Variants in AP3D1 observed in about 807,000 individuals in gnomAD.
AP3D1 encodes adaptor related protein complex 3 subunit delta 1, also known as AP-3 complex subunit delta-1.
In AP3D1, 51 loss-of-function variants were observed where a neutral mutation model predicts 147.6. The observed-to-expected ratio is 0.35, with a 90% CI of 0.28 to 0.44. The LOEUF (loss-of-function observed/expected upper bound fraction) is 0.44, where lower values mean the gene tolerates loss of function less well. Ranked by LOEUF, AP3D1 falls within the 20% of genes least tolerant of loss-of-function variation. The probability of loss-of-function intolerance (pLI) is 1.00; values close to 1 mark genes in which losing one functional copy is unlikely to be tolerated. For missense variants in AP3D1, 1,421 were observed against 1,624.2 expected (o/e 0.87, Z 2.15); for synonymous variants, 760 against 663.0 (o/e 1.15, Z -2.25).
At chr19:2,163,160 G>C (rs934548068) in intron 1 of AP3D1, among the ~76,000 whole-genome samples, 1 of 152,134 alleles carries the variant, frequency 6.6e-6, no homozygotes, top group Non-Finnish European at 1.5e-5. Context: ...TGCAACCTCT[G>C]CCTCCTGGGT....
intron 14 of AP3D1, 101 bp downstream of exon 14, chr19:2,120,761 G>A: frequency 8.2e-7 from 1 of 1,219,880 alleles, no homozygotes; most frequent in Non-Finnish European, 1.2e-6. Flanking sequence ...GGGTGGCAGG[G>A]CGATGGGAGA....
At position 2,139,245 on chromosome 19, in the gene AP3D1, G is replaced by C. The variant is rs374440061; in HGVS notation, c.97-531C>G. On this transcript the variant is annotated intron_variant, in intron 1 of 31. Coordinates refer to ENST00000643116, the MANE Select transcript of AP3D1 (RefSeq NM_001261826.3). Reference sequence around the variant, plus strand: ...TTCTTTCTAGGCTGATAATGTTCTGGAACTTGGCCGTGGTGGTGGCGCACA... The same window carrying C: ...TTCTTTCTAGGCTGATAATGTTCTGCAACTTGGCCGTGGTGGTGGCGCACA... Among the ~76,000 whole-genome samples, 7 of 152,114 alleles carry C rather than the reference G, an allele frequency of 4.6e-5. No individual in the cohort carries two copies. The South Asian group carries it at 1.2e-3, about 27-fold the overall frequency.
At chr19:2,105,306 A>ATGT (rs2018079702) in intron 31 of AP3D1, among the ~76,000 whole-genome samples, 1 of 152,222 alleles carries the variant, frequency 6.6e-6, no homozygotes, top group Admixed American at 6.5e-5. Context: ...GCACTGTGAC[A>ATGT]TGTTCATAAT....
rs1453681154 is a variant in AP3D1, at chr19:2,110,778, T to C, written c.3104A>G (p.Asn1035Ser). 3 of 1,613,088 alleles carry C rather than the reference T, an allele frequency of 1.9e-6. No individual in the cohort carries two copies. Among genetic ancestry groups the C allele is most frequent in the Admixed American group, 1.7e-5 (1 of 60,000 alleles). Residue 1035 changes from asparagine to serine, a missense_variant, in exon 27 of 32, where the codon AAT becomes AGT. By Grantham distance (46) the Asn-to-Ser change is conservative. Coordinates refer to ENST00000643116, the MANE Select transcript of AP3D1 (RefSeq NM_001261826.3). ...GMELSVLDSLNARMARPQGSS... is the reference protein window; with the variant it reads ...GMELSVLDSLSARMARPQGSS... Reference sequence around the variant, plus strand: ...GCCCTGCGGCCGGGCCATCCTGGCATTGAGTGAGTCCAGCACGCTGAGCTC... The same window carrying C: ...GCCCTGCGGCCGGGCCATCCTGGCACTGAGTGAGTCCAGCACGCTGAGCTC...
In AP3D1 at chr19:2,109,176, C is replaced by T. The variant is rs1192779753; in HGVS notation, c.3382G>A (p.Asp1128Asn). 1.1e-5 allele frequency: 18 copies of T among 1,606,766 alleles called. No individual in the cohort carries two copies. Among genetic ancestry groups the T allele is most frequent in the Non-Finnish European group, 1.4e-5 (17 of 1,177,328 alleles). The change falls in exon 30 of 32, where the codon GAC (aspartate) becomes AAC (asparagine). Residue 1128 changes from aspartate (D) to asparagine (N), a missense_variant. By Grantham distance (23) the Asp-to-Asn change is conservative (BLOSUM62 1). This residue lies in a region of AP3D1 where 791 missense variants were observed against 761.4 expected (regional missense o/e 1.04). Transcript: ENST00000643116. ...DAFAKLLESG[D>N]LSMSSIKVDG... ...ACTTTGATTGAGCTCATGCTCAAGT[C>T]CCCAGACTCCAGCAACTTAGCAAAG... is the stretch of plus-strand genomic sequence containing the variant.
Position 2,121,044 on chromosome 19 carries a change from G to A in AP3D1, c.1299C>T (p.His433=), listed in dbSNP as rs758482095. 7.4e-6 allele frequency: 12 copies of A among 1,612,922 alleles called. No individual in the cohort carries two copies. The highest frequency in any genetic ancestry group is 1.7e-5 in the Admixed American group (1 of 60,016). Residue 433 remains histidine (H), a synonymous_variant, in exon 14 of 32, where the codon CAC becomes CAT. Coordinates refer to ENST00000643116, the MANE Select transcript of AP3D1 (RefSeq NM_001261826.3). ...GCATTTGGGCGGCGATGAGGTGGCCGTGCCGTGTGCCCTCCAGCCGGGTCA... is the reference window on the plus strand; with the variant it reads ...GCATTTGGGCGGCGATGAGGTGGCCATGCCGTGTGCCCTCCAGCCGGGTCA... ...VELTRLEGTR[H]GHLIAAQMLD...
At chr19:2,113,102 G>T in intron 23 of AP3D1, 135 bp from the exon 24 acceptor site, 1 of 670,680 alleles carries the variant, frequency 1.5e-6, no homozygotes, top group Non-Finnish European at 2.5e-6. Context: ...CCCTCCGAGT[G>T]ACAGGGAGCC....
At chr19:2,127,346 C>T (rs2018785331) in intron 8 of AP3D1, 145 bp from the exon 9 acceptor site, 10 of 817,040 alleles carry the variant, frequency 1.2e-5, no homozygotes, top group Middle Eastern at 2.4e-4. Flanking sequence ...CCTTGCTCTC[C>T]AAGGCCTGTG....
chr19:2,104,034 AAGACCCCAACACCAAGGCCGTGAGC>A (rs1188035684), intron 31 of AP3D1, among the ~76,000 whole-genome samples: 1 of 151,586 alleles, frequency 6.6e-6, no homozygotes, highest in African/African-American at 2.4e-5. Flanking sequence ...CCCCACGCTC[AAGACCCCAACACCAAGGCCGTGAGC>A]AGACACCAAC....
chr19:2,153,137 G>A (rs925068921), upstream of AP3D1, among the ~76,000 whole-genome samples: 3 of 151,224 alleles, frequency 2.0e-5, no homozygotes, highest in Non-Finnish European at 4.4e-5. Flanking sequence ...ACTTCGGGAG[G>A]CCTAAAGGGA....
chr19:2,113,404 G>T lies in AP3D1; in HGVS notation c.2611C>A (p.Leu871Met). The T allele has an allele frequency of 6.8e-7, 1 of 1,474,928 alleles. No homozygotes were observed. The highest frequency in any genetic ancestry group is 9.0e-7 in the Non-Finnish European group (1 of 1,114,950). 91.4% of individuals were successfully genotyped at this position (1,474,928 alleles called of 1,614,324 possible). A position where few individuals can be genotyped will look rare whatever the true frequency, so the allele number is the denominator to read the frequency against. Reference protein sequence around the residue: ...KKEKEKKAEDLDFWLSTTPPP... With the variant: ...KKEKEKKAEDMDFWLSTTPPP... ...GGGGTGGTAGACAGCCAGAAGTCCA[G>T]GTCCTCAGCCTGAAACCACAAGACA... The change falls in exon 23 of 32, where the codon CTG becomes ATG. Residue 871 changes from leucine (L) to methionine (M), a missense_variant. Physicochemically the swap from Leu to Met is conservative, Grantham distance 15. Around this residue, in one of 6 missense-constraint regions of AP3D1, gnomAD observed 791 missense variants for 761.4 expected, o/e 1.04. Transcript: ENST00000643116.
Position 2,101,897 on chromosome 19 carries a change from G to T in AP3D1, c.*276C>A, listed in dbSNP as rs954301590. ...TTCAAGGACTCGGCCCCCAGCGCGG[G>T]GCAGGGCACAGACCCAGGTGGGGGA... On this transcript the variant is annotated 3_prime_UTR_variant, in exon 32 of 32. Coordinates refer to ENST00000643116, the MANE Select transcript of AP3D1 (RefSeq NM_001261826.3). 4.0e-5 allele frequency: 18 copies of T among 445,912 alleles called. 1 individual carries two copies. In the South Asian group the frequency reaches 4.3e-4, roughly 11 times the overall value. The allele number at this position is 445,912 out of a possible 1,614,324, so 27.6% of individuals were successfully genotyped here.
intron 1 of AP3D1, among the ~76,000 whole-genome samples, 173 bp downstream of exon 1, chr19:2,151,066 A>G (rs112521408): frequency 1.3e-4 from 20 of 152,326 alleles, no homozygotes; most frequent in African/African-American, 4.8e-4. Flanking sequence ...TGGGGGACCG[A>G]GGAGGTGGGC....
intron 9 of AP3D1, 109 bp from the exon 10 acceptor site, chr19:2,123,988 G>A (rs1332667133): frequency 4.8e-6 from 6 of 1,252,408 alleles, no homozygotes; most frequent in African/African-American, 4.5e-5. Context: ...GGGATGGGAG[G>A]GAGGACAGAA....
rs775758787 is a variant in AP3D1, at chr19:2,116,649, G to A, written c.1957C>T (p.Pro653Ser). 6.2e-7 allele frequency: 1 copy of A among 1,604,708 alleles called. No individual in the cohort carries two copies. Among genetic ancestry groups the A allele is most frequent in the African/African-American group, 1.3e-5 (1 of 74,756 alleles). The change falls in exon 17 of 32, where the codon CCC (proline) becomes TCC (serine). Residue 653 changes from proline to serine, a missense_variant. Transcript: ENST00000643116. ...TCCGCCTCCGACGGCCGGTGCTTGG[G>A]ACGCCGCTGCTCCTCCTCGTGGAAG... ...AVFHEEEQRR[P>S]KHRPSEADEE...
intron 1 of AP3D1, among the ~76,000 whole-genome samples, chr19:2,161,355 T>C (rs1421869322): frequency 2.6e-5 from 4 of 151,580 alleles, no homozygotes; most frequent in Non-Finnish European, 5.9e-5. Context: ...AGAGACGGGG[T>C]TTCACCATGT....
chr19:2,126,777 T>C (rs2018770018), intron 9 of AP3D1, among the ~76,000 whole-genome samples: 1 of 151,732 alleles, frequency 6.6e-6, no homozygotes, highest in South Asian at 2.1e-4. Flanking sequence ...AAAAATGCAG[T>C]GTACTGTGAG....
rs2019112628 is a variant in AP3D1 at position 2,137,664 on chromosome 19, T to G, written c.273+63A>C. The stretch of plus-strand genomic sequence containing the variant: ...AATAATAATAATAAAAATTGGCCAG[T>G]CACGGTGCCTCACACCTGTAATCAC... On this transcript the variant is annotated intron_variant, in intron 3 of 31. Coordinates refer to ENST00000643116, the MANE Select transcript of AP3D1 (RefSeq NM_001261826.3). 1.1e-5 allele frequency: 15 copies of G among 1,407,134 alleles called. No homozygotes were observed. The South Asian group carries it at 1.6e-4, about 15-fold the overall frequency. 87.2% of individuals were successfully genotyped at this position (1,407,134 alleles called of 1,614,324 possible). A position where few individuals can be genotyped will look rare whatever the true frequency, so the allele number is the denominator to read the frequency against.
chr19:2,108,957 A>C, intron 30 of AP3D1, 129 bp downstream of exon 30: 1 of 1,470,474 alleles, frequency 6.8e-7, no homozygotes, highest in South Asian at 1.3e-5. Context: ...CCTCGGGGCC[A>C]CCAGCCACCC....
Sources: allele counts gnomAD v4.1 joint callset (sites outside exome capture counted in the v4.1 genomes callset), GRCh38; gene constraint gnomAD v4.1.1; regional missense constraint gnomAD v4.1.1; transcripts MANE v1.5; gene names NCBI Gene and HGNC (gene_info 2026-07-23, HGNC 2026-07-21).